Variants in ST18 observed in about 807,000 individuals in gnomAD.
ST18 encodes the protein ST18 C2H2C-type zinc finger transcription factor, also known as suppression of tumorigenicity 18 protein.
ST18 carries 50 observed loss-of-function variants against 110.0 expected under a neutral mutation model. The observed-to-expected ratio is 0.45, with a 90% CI of 0.36 to 0.58. The LOEUF (loss-of-function observed/expected upper bound fraction) is 0.58, where lower values mean the gene tolerates loss of function less well. Among genes scored for constraint, ST18 ranks in the 20% least tolerant of loss-of-function variants. The probability of loss-of-function intolerance (pLI) is 0.00; values close to 1 mark genes in which losing one functional copy is unlikely to be tolerated. For synonymous variants in ST18, 461 were observed against 452.4 expected (o/e 1.02, Z -0.24); for missense variants, 1,306 against 1,280.1 (o/e 1.02, Z -0.31).
At chr8:52,304,840 G>A (rs1006703568) in intron 2 of ST18, among the ~76,000 whole-genome samples, 1 of 152,120 alleles carries the variant, frequency 6.6e-6, no homozygotes, top group Non-Finnish European at 1.5e-5. Context: ...CATGGAGGAA[G>A]GGGCAAGAGA....
At position 52,141,456 on chromosome 8, in the gene ST18, G is replaced by A. The variant is rs115723844; in HGVS notation, c.2168+1474C>T. Among the ~76,000 whole-genome samples, 1,011 of 152,260 alleles carry A rather than the reference G, an allele frequency of 6.6e-3. 13 individuals are homozygous for A. Among genetic ancestry groups the A allele is most frequent in the African/African-American group, 0.022 (933 of 41,530 alleles). ...AGTAAATATTATGCATCAATGACGC[G>A]GACAAGGTAGAGAGCAAAGACGGAG... On this transcript the variant is annotated intron_variant, in intron 17 of 25. Transcript: ENST00000689386.
rs748933981 is a variant in ST18 at position 52,367,236 on chromosome 8, T to TCACACACACACACACACACA, written c.-465+42072_-465+42091dup. 1.7e-3 allele frequency among the ~76,000 whole-genome samples: 204 copies of TCACACACACACACACACACA among 120,246 alleles called. 1 individual carries two copies. The highest frequency in any genetic ancestry group is 8.7e-3 in the Middle Eastern group (2 of 230). The allele number at this position is 120,246 out of a possible 152,430, so 78.9% of individuals were successfully genotyped here. A position where few individuals can be genotyped will look rare whatever the true frequency, so the allele number is the denominator to read the frequency against. ...CTGGGTGACAGAGCGGGACCCTGTCTCACACACACACACACACACACACAC... is the reference window on the plus strand; with the variant it reads ...CTGGGTGACAGAGCGGGACCCTGTCTCACACACACACACACACACACACACACACACACACACACACACAC... On this transcript the variant is annotated intron_variant, in intron 2 of 25. Transcript: ENST00000689386.
intron 2 of ST18, among the ~76,000 whole-genome samples, chr8:52,337,694 A>AC (rs1812770468): frequency 6.6e-6 from 1 of 152,186 alleles, no homozygotes; most frequent in African/African-American, 2.4e-5. Context: ...AACTGCCTTT[A>AC]TTGCTGATAG....
chr8:52,361,310 C>T (rs1328157307), intron 2 of ST18, among the ~76,000 whole-genome samples: 4 of 152,166 alleles, frequency 2.6e-5, no homozygotes, highest in Non-Finnish European at 5.9e-5. Flanking sequence ...AATCAATAGG[C>T]TTTCTAATTT....
chr8:52,337,926 A>G (rs905664459), intron 2 of ST18, among the ~76,000 whole-genome samples: 10 of 152,256 alleles, frequency 6.6e-5, no homozygotes, highest in Admixed American at 3.3e-4. Context: ...ACCTACAACT[A>G]TAGCCCATAC....
chr8:52,318,309 A>G (rs930636357), intron 2 of ST18, among the ~76,000 whole-genome samples: 13 of 152,344 alleles, frequency 8.5e-5, no homozygotes, highest in African/African-American at 3.1e-4. Context: ...GCCCAAGATC[A>G]CCGATCATTA....
intron 15 of ST18, among the ~76,000 whole-genome samples, chr8:52,157,054 C>A (rs1360810527): frequency 1.3e-5 from 2 of 152,190 alleles, no homozygotes; most frequent in African/African-American, 4.8e-5. Context: ...CTCCGTGGAG[C>A]AGTCTGGCAC....
chr8:52,177,393 C>T (rs1233394421), intron 9 of ST18, among the ~76,000 whole-genome samples: 2 of 152,244 alleles, frequency 1.3e-5, no homozygotes, highest in Non-Finnish European at 2.9e-5. Context: ...CTTCTCTCAT[C>T]ATCTGAGCTT....
intron 2 of ST18, among the ~76,000 whole-genome samples, chr8:52,318,767 C>T (rs1217460303): frequency 1.3e-5 from 2 of 152,082 alleles, no homozygotes; most frequent in African/African-American, 2.4e-5. Context: ...GGAACAAGAT[C>T]GTATCCTTTG....
chr8:52,309,243 A>G (rs1287939594), intron 2 of ST18, among the ~76,000 whole-genome samples: 1 of 152,194 alleles, frequency 6.6e-6, no homozygotes, highest in Non-Finnish European at 1.5e-5. Flanking sequence ...GGCATAGGCC[A>G]GGCATGGTAG....
At chr8:52,230,437 T>A (rs1588955729) in intron 2 of ST18, among the ~76,000 whole-genome samples, 2 of 150,564 alleles carry the variant, frequency 1.3e-5, no homozygotes, top group Admixed American at 6.6e-5. Context: ...GAATCAGTGG[T>A]TTAACACTAA....
At chr8:52,339,702 C>T (rs1813955380) in intron 2 of ST18, among the ~76,000 whole-genome samples, 1 of 152,228 alleles carries the variant, frequency 6.6e-6, no homozygotes, top group African/African-American at 2.4e-5. Context: ...GGGCTTGGGG[C>T]CAGCCCAAGG....
Position 52,163,925 on chromosome 8 carries a change from G to A in ST18, c.1400+61C>T, listed in dbSNP as rs1224041418. The A allele has an allele frequency of 2.2e-6, 3 of 1,345,694 alleles. No homozygotes were observed. In the African/African-American group the frequency reaches 4.4e-5, roughly 20 times the overall value. The allele number at this position is 1,345,694 out of a possible 1,614,324, so 83.4% of individuals were successfully genotyped here. ...GAGAACTGACTCATGAAGGACCAGA[G>A]GCCCCGCTGTGCAGGAGCCTGGATG... On this transcript the variant is annotated intron_variant, in intron 13 of 25. Transcript: ENST00000689386.
At chr8:52,201,017 A>C (rs1005497084) in intron 8 of ST18, 4 of 152,296 alleles carry the variant, frequency 2.6e-5, no homozygotes, top group African/African-American at 9.6e-5. Flanking sequence ...GAAAGCCCCA[A>C]TGAGATCACC....
intron 2 of ST18, among the ~76,000 whole-genome samples, chr8:52,236,931 C>G (rs929001651): frequency 2.6e-5 from 4 of 152,164 alleles, no homozygotes; most frequent in Admixed American, 1.3e-4. Flanking sequence ...CTGTCTAATT[C>G]AGCAGAGTTA....
At chr8:52,402,995 C>G (rs999329044) in intron 2 of ST18, among the ~76,000 whole-genome samples, 4 of 152,188 alleles carry the variant, frequency 2.6e-5, no homozygotes, top group African/African-American at 9.7e-5. Context: ...AACTGCTCCC[C>G]TAGACCAAAG....
chr8:52,401,192 C>G (rs1020428114), intron 2 of ST18, among the ~76,000 whole-genome samples: 1 of 152,104 alleles, frequency 6.6e-6, no homozygotes, highest in Non-Finnish European at 1.5e-5. Flanking sequence ...AATCTGCTGA[C>G]AGTCTAATGG....
chr8:52,344,690 C>T (rs540709634), intron 2 of ST18, among the ~76,000 whole-genome samples: 9 of 152,240 alleles, frequency 5.9e-5, no homozygotes, highest in South Asian at 4.1e-4. Flanking sequence ...CATGAGCCAC[C>T]GTGCCCAGCC....
At chr8:52,407,973 A>G (rs937948533) in intron 2 of ST18, 1 of 152,196 alleles carries the variant, frequency 6.6e-6, no homozygotes, top group African/African-American at 2.4e-5. Context: ...GGTATAATCA[A>G]AGCAAAGGTT....
Sources: gnomAD v4.1 joint callset for allele counts (sites outside exome capture counted in the v4.1 genomes callset) on GRCh38, gnomAD v4.1.1 for gene constraint, MANE v1.5 for transcripts, NCBI Gene and HGNC (gene_info 2026-07-23, HGNC 2026-07-21) for gene names.